Variants in CEP112 observed in about 807,000 individuals in gnomAD.
The protein encoded by CEP112 is centrosomal protein of 112 kDa.
In CEP112, 127 loss-of-function variants were observed where a neutral mutation model predicts 153.0. The ratio of observed to expected loss-of-function variants is 0.83; its 90% CI spans 0.72 to 0.96. The LOEUF is 0.96. Among genes scored for constraint, CEP112 ranks in the 40% least tolerant of loss-of-function variants. The pLI is 0.00. For missense variants in CEP112, 1,089 were observed against 1,101.2 expected, an observed-to-expected ratio of 0.99 and a Z score of 0.16; for synonymous variants, 358 against 374.4, an observed-to-expected ratio of 0.96 and a Z score of 0.51.
intron 16 of CEP112, among the ~76,000 whole-genome samples, chr17:66,025,024 AC>A (rs1161233850): frequency 2.0e-5 from 3 of 152,152 alleles, no homozygotes; most frequent in African/African-American, 7.2e-5. Context: ...GTCAACAAAA[AC>A]ATATACTGGG....
chr17:66,078,005 TC>T (rs2067566979), intron 8 of CEP112, among the ~76,000 whole-genome samples: 2 of 152,332 alleles, frequency 1.3e-5, no homozygotes, highest in Non-Finnish European at 2.9e-5. Context: ...TAGTTTCAGT[TC>T]TTACATTAAG....
chr17:65,786,492 C>T (rs141793992), intron 21 of CEP112, among the ~76,000 whole-genome samples: 9 of 150,772 alleles, frequency 6.0e-5, no homozygotes, highest in East Asian at 5.8e-4. Context: ...TGGTTACTGA[C>T]GATATGAGCA....
Position 65,641,040 on chromosome 17 carries a change from T to A in CEP112, c.2723A>T (p.Glu908Val), listed in dbSNP as rs1265960453. Residue 908 changes from glutamate (E) to valine (V), a missense_variant, in exon 25 of 27, where the codon GAA (glutamate) becomes GTA (valine). Physicochemically the swap from Glu to Val is moderately radical, Grantham distance 121. Transcript: ENST00000535342. ...EQITYIRQEY[E>V]TKLKGLMPAS... ...TGGCATCAATCCTTTCAATTTTGTT[T>A]CATATTCTTGTCGTATGTAAGTTAT... 6.2e-7 allele frequency: 1 copy of A among 1,607,784 alleles called. No individual in the cohort carries two copies. Among genetic ancestry groups the A allele is most frequent in the Admixed American group, 1.7e-5 (1 of 59,986 alleles).
At chr17:66,062,681 A>C (rs2066969698) in intron 11 of CEP112, among the ~76,000 whole-genome samples, 1 of 152,136 alleles carries the variant, frequency 6.6e-6, no homozygotes, top group South Asian at 2.1e-4. Context: ...TATTTAACTA[A>C]TTTTGTTTAA....
chr17:66,130,619 CA>C (rs914382366), intron 5 of CEP112, among the ~76,000 whole-genome samples: 4 of 151,564 alleles, frequency 2.6e-5, no homozygotes, highest in African/African-American at 9.7e-5. Flanking sequence ...ACTAAAAATA[CA>C]AAAAAATTAG....
At chr17:65,712,340 G>A (rs1162003919) in intron 23 of CEP112, among the ~76,000 whole-genome samples, 1 of 152,058 alleles carries the variant, frequency 6.6e-6, no homozygotes, top group African/African-American at 2.4e-5. Flanking sequence ...ATGAATAGCG[G>A]AACAAAAAAT....
At chr17:66,113,934 G>A (rs771882412) in intron 6 of CEP112, among the ~76,000 whole-genome samples, 2 of 152,134 alleles carry the variant, frequency 1.3e-5, no homozygotes, top group African/African-American at 2.4e-5. Context: ...CAAGTAACAC[G>A]GAACTTGAAG....
At chr17:65,742,282 G>A (rs565964289) in intron 23 of CEP112, among the ~76,000 whole-genome samples, 1 of 152,056 alleles carries the variant, frequency 6.6e-6, no homozygotes, top group Non-Finnish European at 1.5e-5. Context: ...TACTCCACAC[G>A]CTTTAAGTAT....
At chr17:65,823,879 T>C (rs1292540661) in intron 21 of CEP112, among the ~76,000 whole-genome samples, 1 of 152,160 alleles carries the variant, frequency 6.6e-6, no homozygotes, top group Non-Finnish European at 1.5e-5. Context: ...TCAACATTAT[T>C]AGTCATTAGG....
intron 11 of CEP112, among the ~76,000 whole-genome samples, chr17:66,054,816 G>C (rs2066611171): frequency 6.6e-6 from 1 of 152,178 alleles, no homozygotes. Context: ...GAGTGCAGTG[G>C]TGCAATCTCG....
intron 4 of CEP112, among the ~76,000 whole-genome samples, chr17:66,164,553 T>C (rs577088674): frequency 1.0e-4 from 5 of 47,858 alleles, no homozygotes; most frequent in African/African-American, 3.9e-4. Context: ...CGAAACTCTA[T>C]CTCAAAAAAA....
intron 8 of CEP112, among the ~76,000 whole-genome samples, chr17:66,078,055 A>G (rs1326483808): frequency 6.6e-6 from 1 of 152,140 alleles, no homozygotes; most frequent in East Asian, 1.9e-4. Context: ...ATAAGGTGAG[A>G]GAAGAGGTTC....
At chr17:65,655,113 C>T in intron 24 of CEP112, 1 of 719,580 alleles carries the variant, frequency 1.4e-6, no homozygotes, top group South Asian at 1.4e-5. Context: ...GGCGTCATTC[C>T]CAAGCCATGG....
chr17:65,637,103 A>G lies in CEP112; in HGVS notation c.2864+21T>C, dbSNP rs769794120. The stretch of plus-strand genomic sequence containing the variant: ...CAACACAAACTAATCAGGAGACAAG[A>G]CACCTGCTTATGGGCTGTACCTTCT... On this transcript the variant is annotated intron_variant, in intron 26 of 26. Coordinates refer to ENST00000535342, the MANE Select transcript of CEP112 (RefSeq NM_001199165.4). 7 of 1,596,512 alleles carry G rather than the reference A, an allele frequency of 4.4e-6. No homozygotes were observed. The Admixed American group carries it at 1.2e-4, about 27-fold the overall frequency.
At chr17:65,803,409 T>A (rs1413904142) in intron 21 of CEP112, among the ~76,000 whole-genome samples, 1 of 152,194 alleles carries the variant, frequency 6.6e-6, no homozygotes, top group African/African-American at 2.4e-5. Context: ...TATATCAATA[T>A]CCCCTTTCAT....
chr17:66,050,409 T>C (rs1025771814), intron 12 of CEP112, among the ~76,000 whole-genome samples: 1 of 152,290 alleles, frequency 6.6e-6, no homozygotes, highest in South Asian at 2.1e-4. Flanking sequence ...CCAGTTGCCA[T>C]GGTAAAAACC....
At chr17:65,938,351 C>T (rs2061413667) in intron 18 of CEP112, among the ~76,000 whole-genome samples, 1 of 142,782 alleles carries the variant, frequency 7.0e-6, no homozygotes, top group Non-Finnish European at 1.5e-5. Context: ...CTGACCTTCC[C>T]TCCACTATTG....
chr17:65,822,263 C>T (rs780288600), intron 21 of CEP112, among the ~76,000 whole-genome samples: 22 of 151,752 alleles, frequency 1.4e-4, no homozygotes, highest in Non-Finnish European at 2.4e-4. Context: ...AAAAAAAAAT[C>T]AGATGTATGG....
At chr17:65,757,727 C>A (rs556383698) in intron 21 of CEP112, among the ~76,000 whole-genome samples, 1 of 152,160 alleles carries the variant, frequency 6.6e-6, no homozygotes, top group East Asian at 1.9e-4. Context: ...ATTCCTGAAC[C>A]CCTCTTATAT....
Sources: gnomAD v4.1 joint callset for allele counts (sites outside exome capture counted in the v4.1 genomes callset) on GRCh38, gnomAD v4.1.1 for gene constraint, MANE v1.5 for transcripts, NCBI Gene and HGNC (gene_info 2026-07-23, HGNC 2026-07-21) for gene names.